Variants in PDXK observed in about 807,000 individuals in gnomAD.
PDXK encodes epididymis secretory sperm binding protein Li 1a.
Under a neutral mutation model 43.2 loss-of-function variants are expected in PDXK, and 15 were observed. The observed-to-expected ratio is 0.35, with a 90% CI of 0.23 to 0.53. PDXK has a LOEUF of 0.53. PDXK is among the 20% of genes least tolerant of loss of function. The probability of loss-of-function intolerance (pLI) is 0.92; values close to 1 mark genes in which losing one functional copy is unlikely to be tolerated. For missense variants in PDXK, 343 were observed against 417.0 expected (o/e 0.82, Z 1.54); for synonymous variants, 172 against 165.4 (o/e 1.04, Z -0.31).
At chr21:43,751,683 G>C (rs1220142344) in intron 7 of PDXK, among the ~76,000 whole-genome samples, 1 of 152,220 alleles carries the variant, frequency 6.6e-6, no homozygotes, top group Non-Finnish European at 1.5e-5. Flanking sequence ...ACTGCACCTT[G>C]TTGCTGCATC....
chr21:43,744,145 C>T (rs1385841531), intron 4 of PDXK, among the ~76,000 whole-genome samples: 1 of 150,982 alleles, frequency 6.6e-6, no homozygotes, highest in Non-Finnish European at 1.5e-5. Flanking sequence ...GCGGAAGGGG[C>T]AAGGGGCCAC....
At chr21:43,743,910 CGCCTCCGT>C in intron 4 of PDXK, 103 bp downstream of exon 4, 1 of 741,166 alleles carries the variant, frequency 1.3e-6, no homozygotes, top group South Asian at 1.6e-5. Context: ...CTCCTCTGCA[CGCCTCCGT>C]GCCCCGCCTC....
chr21:43,741,015 T>TG, intron 2 of PDXK: 1 of 149,004 alleles, frequency 6.7e-6, no homozygotes, highest in East Asian at 2.0e-4. Context: ...CGGACAGCAA[T>TG]GGGGGAGCAA....
At position 43,732,518 on chromosome 21, in the gene PDXK, C is replaced by T. The variant is rs772535324; in HGVS notation, c.88-1551C>T. On this transcript the variant is annotated intron_variant, in intron 1 of 10. Transcript: ENST00000291565. This position sits in a 1 kb window ranked among gnomAD's most constrained non-coding sequence, Gnocchi z 4.1. ...ATTTAAAAGCAGAAAATAGCGACTT[C>T]ATTCTCGGATACGTTTGCCAGCCCC... The T allele has an allele frequency of 4.6e-6, 6 of 1,306,314 alleles. No individual in the cohort carries two copies. The highest frequency in any genetic ancestry group is 2.3e-5 in the East Asian group (1 of 43,464). The allele number at this position is 1,306,314 out of a possible 1,614,324, so 80.9% of individuals were successfully genotyped here.
At chr21:43,745,894 G>A (rs2147283929) in intron 4 of PDXK, 185 bp from the exon 5 acceptor site, 1 of 621,306 alleles carries the variant, frequency 1.6e-6, no homozygotes, top group Non-Finnish European at 3.0e-6. Context: ...CCACTTGGGA[G>A]GGTGAGGCAG....
In PDXK at chr21:43,746,102, A is replaced by G; in HGVS notation, c.355A>G (p.Lys119Glu). The change falls in exon 5 of 11, where the codon AAG (lysine) becomes GAG (glutamate). Residue 119 changes from lysine to glutamate, a missense_variant. Lys to Glu is a moderately conservative substitution (Grantham distance 56). Transcript: ENST00000291565. ...VYVCDPVLGD[K>E]WDGEGSMYVP... ...AGTGTGTGATCCAGTCTTGGGTGAC[A>G]AGTGGGACGGCGAAGGCTCGATGGT... 1 of 1,613,838 alleles carries G rather than the reference A, an allele frequency of 6.2e-7. No homozygotes were observed. Among genetic ancestry groups the G allele is most frequent in the Non-Finnish European group, 8.5e-7 (1 of 1,179,682 alleles).
At position 43,753,680 on chromosome 21, in the gene PDXK, G is replaced by A. The variant is rs780565048; in HGVS notation, c.720G>A (p.Met240Ile). Residue 240 changes from methionine to isoleucine, a missense_variant, in exon 9 of 11, where the codon ATG becomes ATA. By Grantham distance (10) the Met-to-Ile change is conservative (BLOSUM62 1). Coordinates refer to ENST00000291565, the MANE Select transcript of PDXK (RefSeq NM_003681.5). ...GCACTGGGGACCTGTTTGCTGCCAT[G>A]CTCCTGGCGTGGACACACAAGCACC... is the stretch of plus-strand genomic sequence containing the variant. Reference protein sequence around the residue: ...FVGTGDLFAAMLLAWTHKHPN... With the variant: ...FVGTGDLFAAILLAWTHKHPN... The A allele has an allele frequency of 6.2e-7, 1 of 1,613,670 alleles. No homozygotes were observed. The highest frequency in any genetic ancestry group is 8.5e-7 in the Non-Finnish European group (1 of 1,179,756).
chr21:43,732,223 G>C lies in PDXK; in HGVS notation c.88-1846G>C. 6.9e-7 allele frequency: 1 copy of C among 1,451,986 alleles called. No homozygotes were observed. The highest frequency in any genetic ancestry group is 1.5e-5 in the South Asian group (1 of 68,424). 89.9% of individuals were successfully genotyped at this position (1,451,986 alleles called of 1,614,324 possible). On this transcript the variant is annotated intron_variant, in intron 1 of 10. Coordinates refer to ENST00000291565, the MANE Select transcript of PDXK (RefSeq NM_003681.5). This position sits in a 1 kb window ranked among gnomAD's most constrained non-coding sequence, Gnocchi z 4.1. ...CAGAGATGCCAATTCCAGAGGCATG[G>C]TCCGGCACAGAGCGCTGGCTTCCAG... is the stretch of plus-strand genomic sequence containing the variant.
rs531376846 is a variant in PDXK at position 43,719,712 on chromosome 21, C to T, written c.87+331C>T. 4.3e-4 allele frequency: 424 copies of T among 985,450 alleles called. 3 individuals carry two copies. In the African/African-American group the frequency reaches 7.1e-3, roughly 16 times the overall value. 61.0% of individuals were successfully genotyped at this position (985,450 alleles called of 1,614,324 possible). ...CCGGGCCAACTGCCGCGGGGGCGGG[C>T]GGGCGGTGCGGCTCCCGGAGGCGAG... On this transcript the variant is annotated intron_variant, in intron 1 of 10. Coordinates refer to ENST00000291565, the MANE Select transcript of PDXK (RefSeq NM_003681.5).
chr21:43,734,178 G>C lies in PDXK; in HGVS notation c.142+55G>C, dbSNP rs2083366642. On this transcript the variant is annotated intron_variant, in intron 2 of 10. Transcript: ENST00000291565. The surrounding 1 kb of genome is among the most constrained non-coding windows in gnomAD (Gnocchi z 5.0). ...GAGCAGACTGTGGGTGTGAGGGACG[G>C]GGCGGAGTGTGGGTGTGAGGGACGG... 6.6e-7 allele frequency: 1 copy of C among 1,505,248 alleles called. No homozygotes were observed. The highest frequency in any genetic ancestry group is 9.1e-7 in the Non-Finnish European group (1 of 1,099,612). The allele number at this position is 1,505,248 out of a possible 1,614,324, so 93.2% of individuals were successfully genotyped here. A position where few individuals can be genotyped will look rare whatever the true frequency, so the allele number is the denominator to read the frequency against.
chr21:43,731,217 T>C (rs1326938603), intron 1 of PDXK, among the ~76,000 whole-genome samples: 1 of 152,210 alleles, frequency 6.6e-6, no homozygotes, highest in African/African-American at 2.4e-5. Context: ...CCAATCCATC[T>C]TCAAAGCCAG....
At chr21:43,726,841 TG>T (rs2083259091) in intron 1 of PDXK, among the ~76,000 whole-genome samples, 2 of 151,982 alleles carry the variant, frequency 1.3e-5, no homozygotes, top group African/African-American at 4.8e-5. Flanking sequence ...TGTATGTGGG[TG>T]TGCATGTGTG....
rs1248772008 is a variant in PDXK, at chr21:43,752,532, G to A, written c.525G>A (p.Leu175=). The change falls in exon 8 of 11, where the codon CTG becomes CTA. Residue 175 remains leucine (L), a synonymous_variant. Transcript: ENST00000291565. ...GCCACTGCTAGGTGATGGACATGCT[G>A]CACTCTATGGGCCCCGACACCGTGG... ...QEEALRVMDM[L]HSMGPDTVVI... 4 of 1,610,638 alleles carry A rather than the reference G, an allele frequency of 2.5e-6. No homozygotes were observed. Among genetic ancestry groups the A allele is most frequent in the African/African-American group, 1.3e-5 (1 of 75,020 alleles).
intron 1 of PDXK, chr21:43,733,551 C>A: frequency 1.7e-6 from 1 of 600,786 alleles, no homozygotes; most frequent in Non-Finnish European, 2.1e-6. Context: ...CCTCTCTGTC[C>A]TCACACACCC....
Position 43,735,968 on chromosome 21 carries a change from G to A in PDXK, c.142+1845G>A, listed in dbSNP as rs916719959. 3.3e-5 allele frequency among the ~76,000 whole-genome samples: 5 copies of A among 152,150 alleles called. No individual in the cohort carries two copies. Among genetic ancestry groups the A allele is most frequent in the Non-Finnish European group, 5.9e-5 (4 of 68,010 alleles). ...TGCCCTGGGTGCCACGGGAGCTGGTGGTCAAGACGGGGGACTCGGCCTCCT... is the reference window on the plus strand; with the variant it reads ...TGCCCTGGGTGCCACGGGAGCTGGTAGTCAAGACGGGGGACTCGGCCTCCT... On this transcript the variant is annotated intron_variant, in intron 2 of 10. Transcript: ENST00000291565. This position sits in a 1 kb window ranked among gnomAD's most constrained non-coding sequence, Gnocchi z 5.3.
In PDXK at chr21:43,760,751, G is replaced by A. The variant is rs868724185; in HGVS notation, c.*4688G>A. On this transcript the variant is annotated 3_prime_UTR_variant, in exon 11 of 11. Transcript: ENST00000291565. ...GTGGCCTGTGTCCCCTGTCCCTGCA[G>A]GACCCAGCAGGCATCGTGGCGTGAC... 1 of 152,286 alleles carries A rather than the reference G, an allele frequency of 6.6e-6. No individual in the cohort carries two copies. The highest frequency in any genetic ancestry group is 1.5e-5 in the Non-Finnish European group (1 of 68,078). 9.4% of individuals were successfully genotyped at this position (152,286 alleles called of 1,614,324 possible).
chr21:43,747,591 C>T (rs1568988412), intron 5 of PDXK, among the ~76,000 whole-genome samples: 1 of 152,236 alleles, frequency 6.6e-6, no homozygotes, highest in Non-Finnish European at 1.5e-5. Context: ...CCCTGTCCTG[C>T]GCCCAGCCTG....
At chr21:43,722,724 C>T (rs894089645) in intron 1 of PDXK, among the ~76,000 whole-genome samples, 12 of 152,242 alleles carry the variant, frequency 7.9e-5, no homozygotes, top group South Asian at 2.1e-4. Flanking sequence ...TCTGTCCTCA[C>T]GTGGCCTCCG....
chr21:43,749,380 C>T (rs2147296676), intron 6 of PDXK, among the ~76,000 whole-genome samples: 1 of 152,374 alleles, frequency 6.6e-6, no homozygotes, highest in South Asian at 2.1e-4. Context: ...GCTGGGATTA[C>T]AGGCATGAGT....
Sources: gnomAD v4.1 joint callset for allele counts (sites outside exome capture counted in the v4.1 genomes callset) on GRCh38, gnomAD v4.1.1 for gene constraint, Gnocchi (gnomAD v3.1) non-coding constraint, MANE v1.5 for transcripts, NCBI Gene and HGNC (gene_info 2026-07-23, HGNC 2026-07-21) for gene names.